Variants in NBEA observed in about 807,000 individuals in gnomAD.
NBEA encodes neurobeachin.
NBEA carries 44 observed loss-of-function variants against 343.4 expected under a neutral mutation model. The observed-to-expected ratio is 0.13, with a 90% CI of 0.10 to 0.16. The LOEUF (loss-of-function observed/expected upper bound fraction) is 0.16. NBEA is among the 10% of genes least tolerant of loss of function. The probability of loss-of-function intolerance (pLI) is 1.00; values close to 1 mark genes in which losing one functional copy is unlikely to be tolerated. For missense variants in NBEA, 2,555 were observed against 3,631.3 expected, an observed-to-expected ratio of 0.70 and a Z score of 7.62; for synonymous variants, 1,175 against 1,238.7, an observed-to-expected ratio of 0.95 and a Z score of 1.08.
At position 35,136,812 on chromosome 13, in the gene NBEA, G is replaced by C. The variant is rs558129656; in HGVS notation, c.2337-5457G>C. ...AAGACAGACTTCTTCATCTCCTCTT[G>C]AATGGCATCCCCAGTCAATTGAGAG... On this transcript the variant is annotated intron_variant, in intron 17 of 58. Coordinates refer to ENST00000379939, the MANE Select transcript of NBEA (RefSeq NM_001385012.1). Among the ~76,000 whole-genome samples the C allele has an allele frequency of 1.1e-4, 16 of 152,252 alleles. No homozygotes were observed. The East Asian group carries it at 3.1e-3, about 29-fold the overall frequency.
intron 1 of NBEA, among the ~76,000 whole-genome samples, chr13:34,960,095 T>G (rs1238986405): frequency 6.6e-6 from 1 of 152,094 alleles, no homozygotes; most frequent in East Asian, 1.9e-4. Context: ...CCATGGGTGT[T>G]GTTGCCCCTG....
chr13:35,025,176 T>C (rs2061976116), intron 1 of NBEA, among the ~76,000 whole-genome samples: 1 of 152,348 alleles, frequency 6.6e-6, no homozygotes, highest in Middle Eastern at 3.4e-3. Flanking sequence ...CTCTTTAGTT[T>C]AATTAAGTCC....
intron 34 of NBEA, among the ~76,000 whole-genome samples, chr13:35,275,662 AAAAC>A (rs770321636): frequency 3.2e-4 from 48 of 152,320 alleles, no homozygotes; most frequent in Middle Eastern, 3.4e-3. Flanking sequence ...TTACAAGAAA[AAAAC>A]AAACAACCCC....
At chr13:35,413,887 G>A (rs1258000231) in intron 38 of NBEA, among the ~76,000 whole-genome samples, 2 of 152,118 alleles carry the variant, frequency 1.3e-5, no homozygotes, top group East Asian at 1.9e-4. Context: ...GAAAGCATAT[G>A]ATACCACACT....
At chr13:34,943,154 C>G in intron 1 of NBEA, 40 bp downstream of exon 1, 1 of 1,605,282 alleles carries the variant, frequency 6.2e-7, no homozygotes, top group African/African-American at 1.3e-5. Context: ...TCCCCAGTCC[C>G]CACATACACC....
chr13:35,101,750 A>G (rs1218282524), intron 11 of NBEA, among the ~76,000 whole-genome samples: 3 of 151,502 alleles, frequency 2.0e-5, no homozygotes, highest in East Asian at 3.9e-4. Context: ...TAGAGTGCCA[A>G]TTTTCATTTG....
intron 1 of NBEA, among the ~76,000 whole-genome samples, chr13:35,032,536 G>A (rs1261751573): frequency 6.6e-6 from 1 of 151,618 alleles, no homozygotes; most frequent in East Asian, 1.9e-4. Context: ...ATAGATTATG[G>A]ATGTTAGACC....
intron 38 of NBEA, among the ~76,000 whole-genome samples, chr13:35,391,142 G>A (rs554333111): frequency 6.6e-6 from 1 of 152,094 alleles, no homozygotes; most frequent in East Asian, 1.9e-4. Context: ...GGGCTTGATG[G>A]CACGCACCTG....
intron 36 of NBEA, among the ~76,000 whole-genome samples, chr13:35,330,005 C>T (rs2038823632): frequency 6.6e-6 from 1 of 151,968 alleles, no homozygotes; most frequent in Non-Finnish European, 1.5e-5. Flanking sequence ...AGAAGGTTCT[C>T]AGTAAATTAT....
intron 41 of NBEA, among the ~76,000 whole-genome samples, chr13:35,484,131 G>A (rs1256264335): frequency 2.6e-5 from 4 of 151,676 alleles, no homozygotes; most frequent in South Asian, 2.1e-4. Flanking sequence ...CATATACTAC[G>A]TCAACTTTGA....
At chr13:35,295,718 A>C (rs535556452) in intron 35 of NBEA, among the ~76,000 whole-genome samples, 1 of 152,326 alleles carries the variant, frequency 6.6e-6, no homozygotes, top group African/African-American at 2.4e-5. Flanking sequence ...TATTTAATAT[A>C]TCTTGGGGAG....
At chr13:35,140,444 G>A (rs2068023406) in intron 17 of NBEA, among the ~76,000 whole-genome samples, 1 of 152,146 alleles carries the variant, frequency 6.6e-6, no homozygotes. Flanking sequence ...TTTCTTGGGC[G>A]AGGCTTGAGT....
At chr13:35,210,267 ACTT>A (rs2073678719) in intron 32 of NBEA, among the ~76,000 whole-genome samples, 1 of 151,680 alleles carries the variant, frequency 6.6e-6, no homozygotes, top group Non-Finnish European at 1.5e-5. Context: ...TAAGTGATAA[ACTT>A]CTTAAAAGTG....
At chr13:35,625,392 G>A (rs1286103419) in intron 48 of NBEA, among the ~76,000 whole-genome samples, 4 of 152,104 alleles carry the variant, frequency 2.6e-5, no homozygotes, top group East Asian at 1.9e-4. Context: ...CGAGGCAGGC[G>A]GATCACGTGA....
chr13:35,616,818 G>A (rs150471657), intron 48 of NBEA, among the ~76,000 whole-genome samples: 37 of 152,260 alleles, frequency 2.4e-4, no homozygotes, highest in African/African-American at 7.9e-4. Context: ...ACTGACTTCT[G>A]TTTATATATA....
At chr13:35,267,137 T>C (rs1452610517) in intron 34 of NBEA, among the ~76,000 whole-genome samples, 1 of 151,914 alleles carries the variant, frequency 6.6e-6, no homozygotes, top group Non-Finnish European at 1.5e-5. Context: ...GGGGTTTGTC[T>C]TGCTGTCTCT....
Position 35,618,202 on chromosome 13 carries a change from C to G in NBEA, c.7450-9879C>G, listed in dbSNP as rs2082822748. ...GACATTCACAGTGGTAAAAAACCTC[C>G]ATTTCTTTGTATGGATTAGTATTCT... On this transcript the variant is annotated intron_variant, in intron 48 of 58. Coordinates refer to ENST00000379939, the MANE Select transcript of NBEA (RefSeq NM_001385012.1). 2.6e-5 allele frequency among the ~76,000 whole-genome samples: 4 copies of G among 152,228 alleles called. No homozygotes were observed. The South Asian group carries it at 8.3e-4, about 32-fold the overall frequency.
chr13:35,060,852 GGGTAGA>G (rs2152568602), intron 8 of NBEA, among the ~76,000 whole-genome samples: 1 of 151,680 alleles, frequency 6.6e-6, no homozygotes, highest in East Asian at 1.9e-4. Flanking sequence ...GTGAGTGAAG[GGGTAGA>G]GGGCTACAGT....
intron 45 of NBEA, among the ~76,000 whole-genome samples, chr13:35,572,157 A>AT: frequency 6.6e-6 from 1 of 152,334 alleles, no homozygotes; most frequent in Admixed American, 6.5e-5. Flanking sequence ...CCCCATTTAT[A>AT]TAGGTATTCC....
Sources: allele counts gnomAD v4.1 joint callset (sites outside exome capture counted in the v4.1 genomes callset), GRCh38; gene constraint gnomAD v4.1.1; transcripts MANE v1.5; gene names NCBI Gene and HGNC (gene_info 2026-07-23, HGNC 2026-07-21).